ZFP64: variants seen among roughly 807,000 people sequenced by gnomAD.
ZFP64 encodes the protein zinc finger protein 64.
In ZFP64, 14 loss-of-function variants were observed where a neutral mutation model predicts 51.6. The observed-to-expected ratio is 0.27, with a 90% CI of 0.18 to 0.42. The LOEUF is 0.42. Among genes scored for constraint, ZFP64 ranks in the 10% least tolerant of loss-of-function variants. ZFP64 has a pLI of 1.00. For missense variants in ZFP64, 754 were observed against 906.8 expected, an observed-to-expected ratio of 0.83 and a Z score of 2.16; for synonymous variants, 375 against 361.4, an observed-to-expected ratio of 1.04 and a Z score of -0.43.
At position 52,089,018 on chromosome 20, in the gene ZFP64, C is replaced by T. The variant is rs112453895; in HGVS notation, c.977-375G>A. 1,660 of 523,210 alleles carry T rather than the reference C, an allele frequency of 3.2e-3. 22 individuals carry two copies. The highest frequency in any genetic ancestry group is 0.029 in the African/African-American group (1,526 of 52,134). 32.4% of individuals were successfully genotyped at this position (523,210 alleles called of 1,614,324 possible). A position where few individuals can be genotyped will look rare whatever the true frequency, so the allele number is the denominator to read the frequency against. Reference sequence around the variant, plus strand: ...GTGGACCCCTTCCTCTCACTTCTTCCAAACAGCAAGCAGCACGGCATCTCC... The same window carrying T: ...GTGGACCCCTTCCTCTCACTTCTTCTAAACAGCAAGCAGCACGGCATCTCC... On this transcript the variant is annotated intron_variant, in intron 7 of 8. Transcript: ENST00000361387.
Position 52,152,963 on chromosome 20 carries a change from C to T in ZFP64, c.1229G>A (p.Arg410Lys), listed in dbSNP as rs1980985853. The T allele has an allele frequency of 1.2e-6, 2 of 1,613,824 alleles. No homozygotes were observed. Among genetic ancestry groups the T allele is most frequent in the Non-Finnish European group, 1.7e-6 (2 of 1,180,048 alleles). Residue 410 changes from arginine (R) to lysine (K), a missense_variant, in exon 6 of 6, where the codon AGG becomes AAG. Physicochemically the swap from Arg to Lys is conservative, Grantham distance 26. Coordinates refer to ENST00000216923, the MANE Select transcript of ZFP64 (RefSeq NM_018197.3). ...TEALERKDTGRQSSRQVAKLD... is the reference protein window; with the variant it reads ...TEALERKDTGKQSSRQVAKLD... ...CTTGGCCACCTGCCGGCTGCTCTGC[C>T]TGCCGGTGTCCTTCCTCTCTAGAGC...
intron 5 of ZFP64, among the ~76,000 whole-genome samples, chr20:52,134,727 G>A (rs1201290686): frequency 6.6e-6 from 1 of 152,094 alleles, no homozygotes; most frequent in Non-Finnish European, 1.5e-5. Context: ...TCCTACAGAA[G>A]GTCTAATTTT....
chr20:52,191,390 G>C lies in ZFP64; in HGVS notation c.46+201C>G, dbSNP rs1423252425. ...GGAGAGCGCCCCCGGTCTTGCGCCAGGTCGGGTGCGCCCCCACCCCAAGCC... is the reference window on the plus strand; with the variant it reads ...GGAGAGCGCCCCCGGTCTTGCGCCACGTCGGGTGCGCCCCCACCCCAAGCC... On this transcript the variant is annotated intron_variant, in intron 1 of 5. Transcript: ENST00000216923. The surrounding 1 kb of genome is among the most constrained non-coding windows in gnomAD (Gnocchi z 4.3). Among the ~76,000 whole-genome samples the C allele has an allele frequency of 6.6e-6, 1 of 152,128 alleles. No individual in the cohort carries two copies. The highest frequency in any genetic ancestry group is 1.5e-5 in the Non-Finnish European group (1 of 67,994).
intron 5 of ZFP64, among the ~76,000 whole-genome samples, chr20:52,135,506 G>A (rs1379899415): frequency 1.3e-5 from 2 of 152,214 alleles, no homozygotes; most frequent in South Asian, 4.1e-4. Flanking sequence ...TTGAGACAGG[G>A]TCTCGCTCTG....
chr20:52,095,410 C>T (rs962352581), intron 7 of ZFP64, among the ~76,000 whole-genome samples: 5 of 151,986 alleles, frequency 3.3e-5, no homozygotes, highest in African/African-American at 1.2e-4. Flanking sequence ...CAGTGCCACA[C>T]CAGCCTGATC....
At chr20:52,119,804 G>A (rs1427195085) in intron 5 of ZFP64, among the ~76,000 whole-genome samples, 2 of 151,848 alleles carry the variant, frequency 1.3e-5, no homozygotes, top group African/African-American at 2.4e-5. Context: ...GCAAAGAGAC[G>A]GCACTTTTGA....
At chr20:52,104,745 C>T in intron 5 of ZFP64, 1 of 517,062 alleles carries the variant, frequency 1.9e-6, no homozygotes, top group Non-Finnish European at 3.9e-6. Flanking sequence ...TGAAACGTAA[C>T]CCCAAGGCAA....
intron 5 of ZFP64, among the ~76,000 whole-genome samples, chr20:52,144,597 A>AAAAAAAAAAAAAAAAAAAAAAG (rs1980429601): frequency 1.3e-5 from 2 of 148,568 alleles, no homozygotes; most frequent in African/African-American, 2.5e-5. Flanking sequence ...AAAAAAAAAA[A>AAAAAAAAAAAAAAAAAAAAAAG]AAAAATGCTG....
At chr20:52,105,113 C>T (rs750473883) in intron 5 of ZFP64, 1 of 1,404,046 alleles carries the variant, frequency 7.1e-7, no homozygotes, top group Non-Finnish European at 9.2e-7. Flanking sequence ...CCGGGCGGGG[C>T]TCCAGCGGCG....
intron 7 of ZFP64, among the ~76,000 whole-genome samples, chr20:52,093,327 G>C (rs759413432): frequency 1.3e-5 from 2 of 152,078 alleles, no homozygotes; most frequent in Non-Finnish European, 2.9e-5. Context: ...TTTTAGTAGA[G>C]ATGGGTTTCA....
chr20:52,115,653 G>GA (rs1300202541), intron 5 of ZFP64, among the ~76,000 whole-genome samples: 23 of 152,188 alleles, frequency 1.5e-4, no homozygotes, highest in Non-Finnish European at 2.9e-5. Flanking sequence ...GGGCTCAAGT[G>GA]ATGCGCTGAC....
chr20:52,090,055 C>T (rs958173253), intron 7 of ZFP64, among the ~76,000 whole-genome samples: 3 of 152,092 alleles, frequency 2.0e-5, no homozygotes, highest in Admixed American at 6.6e-5. Context: ...GGGGAAAAGA[C>T]GCCAAAAGGT....
At chr20:52,136,550 A>G (rs1349947206) in intron 5 of ZFP64, among the ~76,000 whole-genome samples, 1 of 152,210 alleles carries the variant, frequency 6.6e-6, no homozygotes, top group Non-Finnish European at 1.5e-5. Context: ...ATCAATAAAA[A>G]AGAATTTGAC....
chr20:52,164,725 C>T lies in ZFP64; in HGVS notation c.481G>A (p.Asp161Asn). ...CQFKTAYGMK[D>N]MERHLKIHTG... Reference sequence around the variant, plus strand: ...TGAATTTTTAAATGCCGCTCCATGTCCTTCATGCCATAAGCAGTCTTGAAT... The same window carrying T: ...TGAATTTTTAAATGCCGCTCCATGTTCTTCATGCCATAAGCAGTCTTGAAT... The change falls in exon 4 of 6, where the codon GAC (aspartate) becomes AAC (asparagine). Residue 161 changes from aspartate to asparagine, a missense_variant. Physicochemically the swap from Asp to Asn is conservative, Grantham distance 23 (BLOSUM62 1). Coordinates refer to ENST00000216923, the MANE Select transcript of ZFP64 (RefSeq NM_018197.3). The T allele has an allele frequency of 6.2e-7, 1 of 1,613,422 alleles. No individual in the cohort carries two copies. The highest frequency in any genetic ancestry group is 1.7e-5 in the Admixed American group (1 of 59,922).
chr20:52,113,459 G>A (rs191315245), intron 5 of ZFP64, among the ~76,000 whole-genome samples: 3 of 119,712 alleles, frequency 2.5e-5, no homozygotes, highest in East Asian at 2.3e-4. Context: ...ACCAAGTCTC[G>A]CTCTGGTGCC....
At chr20:52,115,078 G>T (rs911557219) in intron 5 of ZFP64, among the ~76,000 whole-genome samples, 2 of 151,736 alleles carry the variant, frequency 1.3e-5, no homozygotes, top group Admixed American at 1.3e-4. Context: ...GGTGGTGGGC[G>T]CCTGTAGTCC....
intron 2 of ZFP64, among the ~76,000 whole-genome samples, chr20:52,182,553 T>C (rs1362356546): frequency 6.6e-6 from 1 of 152,122 alleles, no homozygotes; most frequent in Non-Finnish European, 1.5e-5. Flanking sequence ...ACCCTATCTC[T>C]ATAAATAATT....
intron 7 of ZFP64, chr20:52,097,341 T>C: frequency 6.2e-7 from 1 of 1,602,176 alleles, no homozygotes; most frequent in Non-Finnish European, 8.5e-7. Context: ...CCCATCTTTC[T>C]TACTGAGCTG....
intron 5 of ZFP64, among the ~76,000 whole-genome samples, chr20:52,102,125 A>AAAAAAAAAAAAAAAAAAAAT (rs2079059285): frequency 3.4e-5 from 5 of 147,976 alleles, no homozygotes; most frequent in African/African-American, 1.3e-4. Flanking sequence ...AAAAAAAAAA[A>AAAAAAAAAAAAAAAAAAAAT]GGCAGCAGTC....
Sources: gnomAD v4.1 joint callset for allele counts (sites outside exome capture counted in the v4.1 genomes callset) on GRCh38, gnomAD v4.1.1 for gene constraint, Gnocchi (gnomAD v3.1) non-coding constraint, MANE v1.5 for transcripts, NCBI Gene and HGNC (gene_info 2026-07-23, HGNC 2026-07-21) for gene names.